MCTP1: variants seen among roughly 807,000 people sequenced by gnomAD.
MCTP1 encodes the protein multiple C2 and transmembrane domain-containing protein 1.
Under a neutral mutation model 120.6 loss-of-function variants are expected in MCTP1, and 69 were observed. The ratio of observed to expected loss-of-function variants is 0.57; its 90% CI spans 0.47 to 0.70. The LOEUF (loss-of-function observed/expected upper bound fraction) is 0.70, where lower values mean the gene tolerates loss of function less well. Ranked by LOEUF, MCTP1 falls within the 30% of genes least tolerant of loss-of-function variation. The pLI, the probability that MCTP1 is intolerant of heterozygous loss-of-function variation, is 0.00. For missense variants in MCTP1, 1,203 were observed against 1,248.8 expected, an observed-to-expected ratio of 0.96 and a Z score of 0.55; for synonymous variants, 529 against 493.1, an observed-to-expected ratio of 1.07 and a Z score of -0.96.
intron 1 of MCTP1, among the ~76,000 whole-genome samples, chr5:95,186,049 A>G (rs1216978039): frequency 6.6e-6 from 1 of 152,024 alleles, no homozygotes; most frequent in Non-Finnish European, 1.5e-5. Flanking sequence ...GTGAGCCGAA[A>G]TTGCGCCACT....
intron 17 of MCTP1, among the ~76,000 whole-genome samples, chr5:94,835,028 A>G (rs1338381352): frequency 6.6e-6 from 1 of 151,710 alleles, no homozygotes; most frequent in Non-Finnish European, 1.5e-5. Flanking sequence ...CACCATGTTG[A>G]TCAGTCTTGA....
chr5:94,974,123 A>G (rs1416173328), intron 2 of MCTP1, among the ~76,000 whole-genome samples: 1 of 152,184 alleles, frequency 6.6e-6, no homozygotes, highest in East Asian at 1.9e-4. Context: ...ACTTGACTCA[A>G]TATAATTAAA....
chr5:94,716,360 T>C (rs756092414), intron 19 of MCTP1, among the ~76,000 whole-genome samples: 6 of 152,022 alleles, frequency 3.9e-5, no homozygotes, highest in Non-Finnish European at 8.8e-5. Flanking sequence ...ATGACAGACG[T>C]TGGTGCATCA....
At chr5:95,218,807 C>G (rs1753333301) in intron 1 of MCTP1, among the ~76,000 whole-genome samples, 1 of 152,118 alleles carries the variant, frequency 6.6e-6, no homozygotes, top group Non-Finnish European at 1.5e-5. Flanking sequence ...TCTGAGGCTA[C>G]CAACCTACAC....
intron 2 of MCTP1, among the ~76,000 whole-genome samples, chr5:94,955,466 T>C (rs1429762830): frequency 1.3e-5 from 2 of 152,136 alleles, no homozygotes; most frequent in African/African-American, 2.4e-5. Context: ...CCGAGTGGTC[T>C]TGCTCAGTGG....
intron 17 of MCTP1, among the ~76,000 whole-genome samples, chr5:94,804,247 A>C (rs1781800762): frequency 6.6e-6 from 1 of 152,232 alleles, no homozygotes; most frequent in Non-Finnish European, 1.5e-5. Context: ...AAGTGATTTC[A>C]GTTCAATTTC....
At chr5:95,131,723 G>A (rs763846925) in intron 1 of MCTP1, among the ~76,000 whole-genome samples, 8 of 152,028 alleles carry the variant, frequency 5.3e-5, no homozygotes, top group Non-Finnish European at 1.2e-4. Flanking sequence ...ATCTCTGTCT[G>A]TTTTATTCCT....
intron 1 of MCTP1, among the ~76,000 whole-genome samples, chr5:95,161,455 G>A (rs138234113): frequency 1.4e-4 from 21 of 152,192 alleles, no homozygotes; most frequent in African/African-American, 4.8e-4. Flanking sequence ...GGGTCAAGAG[G>A]GAAAGGGGAG....
At chr5:95,017,940 C>G (rs935726783) in intron 1 of MCTP1, among the ~76,000 whole-genome samples, 4 of 151,962 alleles carry the variant, frequency 2.6e-5, no homozygotes, top group African/African-American at 9.7e-5. Flanking sequence ...CAGCTCATAC[C>G]TATGAATTAA....
intron 2 of MCTP1, among the ~76,000 whole-genome samples, chr5:94,966,468 G>A (rs1825619165): frequency 6.6e-6 from 1 of 152,098 alleles, no homozygotes; most frequent in Non-Finnish European, 1.5e-5. Context: ...AAACCAAGAA[G>A]GGTTAATAAC....
At chr5:95,057,016 A>G (rs1487908035) in intron 1 of MCTP1, among the ~76,000 whole-genome samples, 1 of 152,186 alleles carries the variant, frequency 6.6e-6, no homozygotes, top group African/African-American at 2.4e-5. Context: ...AGATATATAC[A>G]TATTCATATA....
At chr5:95,154,515 G>T (rs1562188554) in intron 1 of MCTP1, among the ~76,000 whole-genome samples, 1 of 152,170 alleles carries the variant, frequency 6.6e-6, no homozygotes, top group East Asian at 1.9e-4. Context: ...GAGCAAGAGA[G>T]CTGCCTCCAC....
At chr5:94,967,472 C>T (rs1825889880) in intron 2 of MCTP1, among the ~76,000 whole-genome samples, 1 of 152,220 alleles carries the variant, frequency 6.6e-6, no homozygotes, top group South Asian at 2.1e-4. Context: ...GGAACCTGAA[C>T]TTAACTGCTA....
chr5:94,971,767 A>G (rs1328017884), intron 2 of MCTP1, among the ~76,000 whole-genome samples: 1 of 152,170 alleles, frequency 6.6e-6, no homozygotes, highest in African/African-American at 2.4e-5. Flanking sequence ...GCCAATCAGA[A>G]GCACCTGCCT....
chr5:95,064,076 T>A (rs1049650220), intron 1 of MCTP1, among the ~76,000 whole-genome samples: 4 of 152,226 alleles, frequency 2.6e-5, no homozygotes, highest in Admixed American at 2.6e-4. Flanking sequence ...ATATCCAAAC[T>A]ATAATTCGTG....
chr5:94,764,026 T>C (rs1307602097), intron 19 of MCTP1, among the ~76,000 whole-genome samples: 1 of 152,198 alleles, frequency 6.6e-6, no homozygotes, highest in Non-Finnish European at 1.5e-5. Flanking sequence ...TTACACTACA[T>C]GTCCATATGG....
Position 95,284,567 on chromosome 5 carries a change from G to A in MCTP1, c.9C>T (p.Pro3=). The A allele has an allele frequency of 7.0e-7, 1 of 1,436,944 alleles. No homozygotes were observed. The highest frequency in any genetic ancestry group is 1.5e-5 in the African/African-American group (1 of 66,356). 89.0% of individuals were successfully genotyped at this position (1,436,944 alleles called of 1,614,324 possible). ...CTGGCTCGCCCGCCGCGGCAGCCCG[G>A]GGCTCCATCCTCCACCCCCTGCTCC... ME[P]RAAAAGEPEP... Residue 3 remains proline (P), a synonymous_variant, in exon 1 of 23, where the codon CCC becomes CCT. Coordinates refer to ENST00000515393, the MANE Select transcript of MCTP1 (RefSeq NM_024717.7). The surrounding 1 kb of genome is among the most constrained non-coding windows in gnomAD (Gnocchi z 5.2).
intron 1 of MCTP1, among the ~76,000 whole-genome samples, chr5:95,166,568 A>ACT (rs1491535520): frequency 3.2e-5 from 4 of 125,120 alleles, no homozygotes; most frequent in African/African-American, 1.2e-4. Flanking sequence ...AATTTTAATC[A>ACT]TTTTTTTTTT....
intron 19 of MCTP1, among the ~76,000 whole-genome samples, chr5:94,720,753 G>T (rs1222315523): frequency 6.6e-6 from 1 of 152,288 alleles, no homozygotes; most frequent in East Asian, 1.9e-4. Flanking sequence ...ACTAAAGGAA[G>T]ATGGTTAGAA....
Sources: allele counts gnomAD v4.1 joint callset (sites outside exome capture counted in the v4.1 genomes callset), GRCh38; gene constraint gnomAD v4.1.1; non-coding constraint Gnocchi (gnomAD v3.1); transcripts MANE v1.5; gene names NCBI Gene and HGNC (gene_info 2026-07-23, HGNC 2026-07-21).